QTMAN: variants seen among roughly 807,000 people sequenced by gnomAD.
QTMAN encodes queuosine-tRNA mannosyltransferase.
the QTMAN span, among the ~76,000 whole-genome samples, chr2:144,130,993 A>G: frequency 6.6e-6 from 1 of 151,992 alleles, no homozygotes; most frequent in Non-Finnish European, 1.5e-5. Context: ...AGTTGAAAAG[A>G]TCTGATGGTT....
the QTMAN span, among the ~76,000 whole-genome samples, chr2:144,055,561 C>A: frequency 6.6e-6 from 1 of 151,916 alleles, no homozygotes; most frequent in Non-Finnish European, 1.5e-5. Context: ...AAGGTAATCG[C>A]GTGGTGCAAA....
the QTMAN span, among the ~76,000 whole-genome samples, chr2:144,119,057 T>C: frequency 7.9e-4 from 120 of 152,246 alleles, no homozygotes; most frequent in African/African-American, 2.8e-3. Context: ...AGAATCTTAA[T>C]GTTTAAATAC....
At chr2:144,180,546 TG>T in the QTMAN span, among the ~76,000 whole-genome samples, 1 of 152,196 alleles carries the variant, frequency 6.6e-6, no homozygotes, top group Admixed American at 6.6e-5. Context: ...ATGGTATTTT[TG>T]ATGAAGCTAA....
the QTMAN span, among the ~76,000 whole-genome samples, chr2:144,296,661 C>T: frequency 6.6e-6 from 1 of 152,084 alleles, no homozygotes; most frequent in African/African-American, 2.4e-5. Flanking sequence ...AAAAATTACC[C>T]CGATTTCTGA....
chr2:144,221,882 A>G, the QTMAN span, among the ~76,000 whole-genome samples: 3 of 152,200 alleles, frequency 2.0e-5, no homozygotes. Context: ...TATGAACTAA[A>G]AGTAATTCTC....
At chr2:143,984,157 T>C in the QTMAN span, among the ~76,000 whole-genome samples, 4 of 152,334 alleles carry the variant, frequency 2.6e-5, no homozygotes, top group Non-Finnish European at 5.9e-5. Flanking sequence ...GTCACCTTCA[T>C]AGAAAAGTGA....
At chr2:144,260,488 CTTTAT>C in the QTMAN span, among the ~76,000 whole-genome samples, 4 of 151,960 alleles carry the variant, frequency 2.6e-5, no homozygotes, top group Non-Finnish European at 4.4e-5. Context: ...TAATGCAAAT[CTTTAT>C]TTTAAGAGCT....
chr2:144,244,731 A>G, the QTMAN span, among the ~76,000 whole-genome samples: 3 of 152,154 alleles, frequency 2.0e-5, no homozygotes, highest in Non-Finnish European at 4.4e-5. Context: ...ACAGTAGACA[A>G]TGCACGGTGT....
chr2:144,081,626 A>T, the QTMAN span, among the ~76,000 whole-genome samples: 1 of 152,112 alleles, frequency 6.6e-6, no homozygotes, highest in Non-Finnish European at 1.5e-5. Context: ...GGAAGGACGA[A>T]GTGGGGAAAG....
chr2:144,153,680 G>A, the QTMAN span, among the ~76,000 whole-genome samples: 1 of 152,146 alleles, frequency 6.6e-6, no homozygotes, highest in Non-Finnish European at 1.5e-5. Context: ...GACAGAGAGA[G>A]ACTCCGTCTC....
chr2:144,242,211 T>A, the QTMAN span, among the ~76,000 whole-genome samples: 1 of 152,154 alleles, frequency 6.6e-6, no homozygotes, highest in Non-Finnish European at 1.5e-5. Context: ...AAATGTTTTT[T>A]CACAGAATAT....
At chr2:144,136,137 G>C in the QTMAN span, among the ~76,000 whole-genome samples, 2 of 151,814 alleles carry the variant, frequency 1.3e-5, no homozygotes, top group Admixed American at 6.6e-5. Flanking sequence ...ACCAGCCTGG[G>C]CAACATGGTG....
At chr2:144,248,748 T>TA in the QTMAN span, among the ~76,000 whole-genome samples, 9,192 of 143,334 alleles carry the variant, frequency 0.064, 387 homozygotes, top group South Asian at 0.18. Context: ...TTTTTTAACT[T>TA]AAAAAAAAAA....
chr2:144,010,091 C>T, the QTMAN span, among the ~76,000 whole-genome samples: 7,252 of 146,966 alleles, frequency 0.049, 279 homozygotes, highest in African/African-American at 0.11. Context: ...AAAAAAAAAT[C>T]TATGGGATTC....
the QTMAN span, chr2:143,944,446 A>G: frequency 6.6e-6 from 1 of 151,838 alleles, no homozygotes; most frequent in African/African-American, 2.4e-5. Flanking sequence ...AAATTTATTT[A>G]TTTATTTATT....
chr2:144,213,833 T>C, the QTMAN span, among the ~76,000 whole-genome samples: 146 of 152,298 alleles, frequency 9.6e-4, no homozygotes, highest in African/African-American at 3.4e-3. Context: ...TTGAGCGGTA[T>C]TTCTCAGTAG....
chr2:143,946,915 T>C, the QTMAN span: 1 of 631,000 alleles, frequency 1.6e-6, no homozygotes, highest in Non-Finnish European at 2.8e-6. Flanking sequence ...GATGGCTCTG[T>C]GTCAGCTATG....
At chr2:143,975,160 A>C in the QTMAN span, among the ~76,000 whole-genome samples, 1 of 152,220 alleles carries the variant, frequency 6.6e-6, no homozygotes, top group Non-Finnish European at 1.5e-5. Flanking sequence ...AACTGTTTCC[A>C]TGTGTTTTTT....
the QTMAN span, among the ~76,000 whole-genome samples, chr2:144,327,378 T>A: frequency 6.6e-6 from 1 of 152,090 alleles, no homozygotes; most frequent in African/African-American, 2.4e-5. Context: ...CCCCAATACC[T>A]GAACAAATGA....
Sources: gnomAD v4.1 joint callset for allele counts (sites outside exome capture counted in the v4.1 genomes callset) on GRCh38, gnomAD v4.1.1 for gene constraint, MANE v1.5 for transcripts, NCBI Gene and HGNC (gene_info 2026-07-23, HGNC 2026-07-21) for gene names.